The following EYS variants were observed in gnomAD, a reference collection of about 807,000 sequenced individuals.
EYS encodes the protein EGF-like photoreceptor maintenance factor.
In EYS, 250 loss-of-function variants were observed where a neutral mutation model predicts 282.1. The ratio of observed to expected loss-of-function variants is 0.89; its 90% CI spans 0.80 to 0.98. The LOEUF is 0.98. Among genes scored for constraint, EYS ranks in the 50% least tolerant of loss-of-function variants. EYS has a pLI of 0.00. For synonymous variants in EYS, 1,355 were observed against 1,282.9 expected, an observed-to-expected ratio of 1.06 and a Z score of -1.20; for missense variants, 4,016 against 3,709.0, an observed-to-expected ratio of 1.08 and a Z score of -2.15.
chr6:64,629,618 AT>A (rs955182528), intron 22 of EYS, among the ~76,000 whole-genome samples: 7 of 151,936 alleles, frequency 4.6e-5, no homozygotes, highest in African/African-American at 1.7e-4. Context: ...TAAATGCTTC[AT>A]TTTTGTTTAC....
At chr6:65,081,938 T>C (rs991279579) in intron 12 of EYS, among the ~76,000 whole-genome samples, 5 of 152,206 alleles carry the variant, frequency 3.3e-5, no homozygotes, top group Admixed American at 3.3e-4. Context: ...ATACCATGAC[T>C]GATGCTAAGC....
chr6:65,332,441 T>C, intron 11 of EYS: 1 of 1,381,616 alleles, frequency 7.2e-7, no homozygotes, highest in Non-Finnish European at 1.0e-6. Context: ...TGGGAAGAAT[T>C]AATATTTTAG....
At chr6:64,239,913 T>C (rs1766742119) in intron 30 of EYS, among the ~76,000 whole-genome samples, 1 of 152,232 alleles carries the variant, frequency 6.6e-6, no homozygotes, top group Non-Finnish European at 1.5e-5. Flanking sequence ...CTTTAATCCA[T>C]CTTAACTTAA....
At chr6:63,848,872 G>A (rs1181947314) in intron 36 of EYS, among the ~76,000 whole-genome samples, 2 of 152,178 alleles carry the variant, frequency 1.3e-5, no homozygotes, top group Non-Finnish European at 2.9e-5. Context: ...AAGCCAGGCA[G>A]CCAAGTGGTC....
intron 36 of EYS, among the ~76,000 whole-genome samples, chr6:63,831,103 T>C (rs983578019): frequency 3.3e-5 from 5 of 152,224 alleles, no homozygotes; most frequent in African/African-American, 1.2e-4. Flanking sequence ...TACCAGCCAT[T>C]GCAAAAACAT....
chr6:65,304,992 C>CAAAAA, intron 11 of EYS: 1 of 164,108 alleles, frequency 6.1e-6, no homozygotes, highest in Non-Finnish European at 1.2e-5. Flanking sequence ...AAAAAATCGC[C>CAAAAA]AAAAAACTGG....
intron 18 of EYS, among the ~76,000 whole-genome samples, chr6:64,893,574 A>G (rs1767358871): frequency 6.6e-6 from 1 of 152,034 alleles, no homozygotes; most frequent in Non-Finnish European, 1.5e-5. Context: ...TAAGACAATC[A>G]AATGTGACTA....
At chr6:65,690,310 G>A (rs1562330516) in intron 1 of EYS, among the ~76,000 whole-genome samples, 1 of 150,098 alleles carries the variant, frequency 6.7e-6, no homozygotes, top group Non-Finnish European at 1.5e-5. Flanking sequence ...TCAGAAGGGA[G>A]TATGCCTTAA....
chr6:64,208,426 T>C (rs1001387292), intron 31 of EYS, among the ~76,000 whole-genome samples: 1 of 152,204 alleles, frequency 6.6e-6, no homozygotes, highest in Non-Finnish European at 1.5e-5. Flanking sequence ...GTACATGAAA[T>C]CAAACTGTCT....
At chr6:64,688,826 T>C (rs1179147042) in intron 22 of EYS, among the ~76,000 whole-genome samples, 1 of 152,050 alleles carries the variant, frequency 6.6e-6, no homozygotes, top group East Asian at 1.9e-4. Flanking sequence ...CAGTGGGGTG[T>C]TAAAATCTCC....
At chr6:65,484,285 G>T (rs2127258793) in intron 5 of EYS, among the ~76,000 whole-genome samples, 1 of 152,242 alleles carries the variant, frequency 6.6e-6, no homozygotes, top group Non-Finnish European at 1.5e-5. Flanking sequence ...AATGCCATTT[G>T]TCCTGGATGT....
chr6:64,174,080 T>C (rs895043168), intron 31 of EYS, among the ~76,000 whole-genome samples: 8 of 152,154 alleles, frequency 5.3e-5, no homozygotes, highest in African/African-American at 1.9e-4. Flanking sequence ...AGGACAAATA[T>C]TGCATGATTC....
intron 36 of EYS, among the ~76,000 whole-genome samples, chr6:63,854,589 C>T (rs993124086): frequency 2.0e-5 from 3 of 152,124 alleles, no homozygotes; most frequent in African/African-American, 7.2e-5. Context: ...CCTGCATGTT[C>T]TGCACATGTA....
chr6:65,236,040 C>T (rs1766914064), intron 12 of EYS, among the ~76,000 whole-genome samples: 1 of 151,120 alleles, frequency 6.6e-6, no homozygotes, highest in African/African-American at 2.4e-5. Flanking sequence ...ATGTGCACCT[C>T]TTATGTAATA....
At chr6:64,674,938 T>C (rs1050193287) in intron 22 of EYS, among the ~76,000 whole-genome samples, 1 of 152,174 alleles carries the variant, frequency 6.6e-6, no homozygotes, top group African/African-American at 2.4e-5. Flanking sequence ...GGGATTTCTT[T>C]ATTTTCAGGG....
At chr6:64,748,454 G>C (rs557067717) in intron 22 of EYS, among the ~76,000 whole-genome samples, 1 of 152,204 alleles carries the variant, frequency 6.6e-6, no homozygotes, top group Non-Finnish European at 1.5e-5. Flanking sequence ...GTTCACAATA[G>C]GGTTTGCACT....
At chr6:65,534,285 A>G (rs1046469572) in intron 2 of EYS, among the ~76,000 whole-genome samples, 1 of 152,166 alleles carries the variant, frequency 6.6e-6, no homozygotes, top group African/African-American at 2.4e-5. Flanking sequence ...TCAGAAAATC[A>G]CTATGATAAT....
intron 32 of EYS, among the ~76,000 whole-genome samples, chr6:64,077,817 G>C (rs559954868): frequency 6.6e-6 from 1 of 152,022 alleles, no homozygotes; most frequent in African/African-American, 2.4e-5. Context: ...ATTTTGTGTG[G>C]TCTCATCCCT....
At chr6:63,948,585 C>T (rs748522671) in intron 35 of EYS, among the ~76,000 whole-genome samples, 2 of 150,900 alleles carry the variant, frequency 1.3e-5, no homozygotes, top group East Asian at 1.9e-4. Flanking sequence ...ACATTTTTCT[C>T]TCTCTCCCTG....
Sources: allele counts gnomAD v4.1 joint callset (sites outside exome capture counted in the v4.1 genomes callset), GRCh38; gene constraint gnomAD v4.1.1; transcripts MANE v1.5; gene names NCBI Gene and HGNC (gene_info 2026-07-23, HGNC 2026-07-21).